The following KIAA0825 variants were observed in gnomAD, a reference collection of about 807,000 sequenced individuals.
KIAA0825 encodes uncharacterized protein KIAA0825.
A neutral mutation model predicts 147.6 loss-of-function variants in KIAA0825; 119 were observed. The ratio of observed to expected loss-of-function variants is 0.81; its 90% CI spans 0.69 to 0.94. The LOEUF is 0.94. KIAA0825 is among the 40% of genes least tolerant of loss of function. The probability of loss-of-function intolerance (pLI) is 0.00; values close to 1 mark genes in which losing one functional copy is unlikely to be tolerated. For synonymous variants in KIAA0825, 470 were observed against 518.1 expected (o/e 0.91, Z 1.26); for missense variants, 1,381 against 1,472.7 (o/e 0.94, Z 1.02).
chr5:94,278,239 A>T (rs768503319), intron 20 of KIAA0825, among the ~76,000 whole-genome samples: 26 of 152,128 alleles, frequency 1.7e-4, no homozygotes, highest in Non-Finnish European at 3.5e-4. Flanking sequence ...TGTAACACAC[A>T]TGCAAGTTCA....
At chr5:94,525,224 T>C (rs1283641731) in intron 3 of KIAA0825, among the ~76,000 whole-genome samples, 1 of 151,830 alleles carries the variant, frequency 6.6e-6, no homozygotes, top group Non-Finnish European at 1.5e-5. Flanking sequence ...AATTAAAGGT[T>C]CCATATGATA....
intron 20 of KIAA0825, among the ~76,000 whole-genome samples, chr5:94,187,868 T>G (rs1293796188): frequency 6.6e-6 from 1 of 152,146 alleles, no homozygotes; most frequent in Non-Finnish European, 1.5e-5. Flanking sequence ...AGAAAACAAA[T>G]GGAGCACAAT....
At position 94,465,020 on chromosome 5, in the gene KIAA0825, A is replaced by C; in HGVS notation, c.1912T>G (p.Phe638Val). The C allele has an allele frequency of 6.4e-7, 1 of 1,551,658 alleles. No individual in the cohort carries two copies. The stretch of plus-strand genomic sequence containing the variant: ...AGATCGTAATGAAGAGACCAGCAGA[A>C]ATAATGCCACATCTGGATCGAGAAG... The part of the protein sequence containing the change: ...CSFSIQMWHY[F>V]CWSLHYDLWT... The change falls in exon 11 of 21, where the codon TTC (phenylalanine) becomes GTC (valine). Residue 638 changes from phenylalanine to valine, a missense_variant. Physicochemically the swap from Phe to Val is conservative, Grantham distance 50 (BLOSUM62 -1). Transcript: ENST00000682413.
intron 20 of KIAA0825, among the ~76,000 whole-genome samples, chr5:94,219,886 C>CATAG (rs943013075): frequency 2.6e-5 from 4 of 152,094 alleles, no homozygotes; most frequent in Non-Finnish European, 4.4e-5. Flanking sequence ...TTACTGTACA[C>CATAG]TACTGTAGAA....
chr5:94,154,819 C>A (rs1306802780), intron 20 of KIAA0825, among the ~76,000 whole-genome samples: 1 of 152,208 alleles, frequency 6.6e-6, no homozygotes, highest in Non-Finnish European at 1.5e-5. Context: ...CCCGAGCACA[C>A]TTACTTCTTC....
At chr5:94,253,670 G>A (rs1002872803) in intron 20 of KIAA0825, among the ~76,000 whole-genome samples, 1 of 152,010 alleles carries the variant, frequency 6.6e-6, no homozygotes, top group African/African-American at 2.4e-5. Flanking sequence ...TCTAGAAAGG[G>A]AATATTTCAA....
chr5:94,401,994 A>G (rs971442105), intron 16 of KIAA0825, among the ~76,000 whole-genome samples: 1 of 152,210 alleles, frequency 6.6e-6, no homozygotes, highest in Non-Finnish European at 1.5e-5. Context: ...AAGAAGAACA[A>G]TGGCATTCGC....
intron 20 of KIAA0825, among the ~76,000 whole-genome samples, chr5:94,204,858 A>G (rs1772010977): frequency 6.6e-6 from 1 of 152,190 alleles, no homozygotes; most frequent in African/African-American, 2.4e-5. Flanking sequence ...CACCTGTAAT[A>G]CTAAGACAAA....
intron 1 of KIAA0825, chr5:94,593,227 C>G: frequency 1.3e-6 from 1 of 760,952 alleles, no homozygotes; most frequent in South Asian, 1.3e-5. Context: ...TGATATTAAA[C>G]TGCTGTCAGA....
chr5:94,279,318 G>A (rs113068692), intron 20 of KIAA0825, among the ~76,000 whole-genome samples: 104 of 152,130 alleles, frequency 6.8e-4, no homozygotes, highest in African/African-American at 2.4e-3. Context: ...AGAGAGGTTT[G>A]GAAGTCTAGC....
chr5:94,152,839 AAAAAAAAAAAAAAAAATTATATATATAT>A lies in KIAA0825; in HGVS notation c.*1140_*1167del, dbSNP rs1562283905. On this transcript the variant is annotated 3_prime_UTR_variant, in exon 21 of 21. Coordinates refer to ENST00000682413, the MANE Select transcript of KIAA0825 (RefSeq NM_001145678.3). ...CTAAAATGAAAAAAAAAAAAAAAAA[AAAAAAAAAAAAAAAAATTATATATATAT>A]ATATATATATATATATATATATATA... is the stretch of plus-strand genomic sequence containing the variant. 1 of 32,482 alleles carries A rather than the reference AAAAAAAAAAAAAAAAATTATATATATAT, an allele frequency of 3.1e-5. No individual in the cohort carries two copies. The highest frequency in any genetic ancestry group is 6.1e-5 in the Non-Finnish European group (1 of 16,440). 2.0% of individuals were successfully genotyped at this position (32,482 alleles called of 1,614,324 possible).
intron 15 of KIAA0825, among the ~76,000 whole-genome samples, chr5:94,409,066 T>C (rs1336803922): frequency 6.6e-6 from 1 of 152,130 alleles, no homozygotes; most frequent in Non-Finnish European, 1.5e-5. Flanking sequence ...AAGTAAAAAA[T>C]AGTACACTGA....
chr5:94,264,153 C>A (rs1032863909), intron 20 of KIAA0825, among the ~76,000 whole-genome samples: 1 of 152,140 alleles, frequency 6.6e-6, no homozygotes, highest in East Asian at 1.9e-4. Flanking sequence ...TCTTAACGTA[C>A]AATCTTTTCT....
chr5:94,516,855 C>T (rs1208212238), intron 5 of KIAA0825, among the ~76,000 whole-genome samples: 2 of 151,774 alleles, frequency 1.3e-5, no homozygotes, highest in Non-Finnish European at 2.9e-5. Context: ...AACCCCAGCA[C>T]TTTGGGAGGC....
chr5:94,588,224 G>C (rs368604123), intron 1 of KIAA0825, among the ~76,000 whole-genome samples: 1 of 152,180 alleles, frequency 6.6e-6, no homozygotes, highest in East Asian at 1.9e-4. Context: ...CTTCTGCACA[G>C]CAAAAGAAAC....
intron 20 of KIAA0825, among the ~76,000 whole-genome samples, chr5:94,365,318 C>A (rs1364634560): frequency 6.6e-6 from 1 of 152,202 alleles, no homozygotes. Context: ...AGACGGCAAA[C>A]CCCGAGTATT....
chr5:94,532,825 TAA>T (rs61008891), intron 3 of KIAA0825, among the ~76,000 whole-genome samples: 49 of 136,384 alleles, frequency 3.6e-4, no homozygotes, highest in Admixed American at 5.9e-4. Context: ...TTCTTTAGAT[TAA>T]AAAAAAAAAA....
chr5:94,554,055 A>T (rs1239252618), intron 2 of KIAA0825, among the ~76,000 whole-genome samples: 1 of 152,220 alleles, frequency 6.6e-6, no homozygotes, highest in Non-Finnish European at 1.5e-5. Flanking sequence ...CAGCTTAGCA[A>T]GAAATAATTT....
intron 16 of KIAA0825, among the ~76,000 whole-genome samples, chr5:94,403,212 T>G (rs1018149288): frequency 6.6e-6 from 1 of 152,156 alleles, no homozygotes. Context: ...AATAATTAAA[T>G]GGAATATCAG....
Sources: allele counts gnomAD v4.1 joint callset (sites outside exome capture counted in the v4.1 genomes callset), GRCh38; gene constraint gnomAD v4.1.1; transcripts MANE v1.5; gene names NCBI Gene and HGNC (gene_info 2026-07-23, HGNC 2026-07-21).